ELN: variants seen among roughly 807,000 people sequenced by gnomAD.
ELN encodes elastin.
In ELN, 65 loss-of-function variants were observed where a neutral mutation model predicts 105.8. That is an observed-to-expected ratio of 0.61 (90% CI 0.50 to 0.75). The LOEUF is 0.75. Among genes scored for constraint, ELN ranks in the 30% least tolerant of loss-of-function variants. ELN has a pLI of 0.00. For missense variants in ELN, 882 were observed against 969.4 expected, an observed-to-expected ratio of 0.91 and a Z score of 1.20; for synonymous variants, 368 against 389.2, an observed-to-expected ratio of 0.95 and a Z score of 0.64.
At chr7:74,065,148 C>A (rs1554688144) in intron 29 of ELN, among the ~76,000 whole-genome samples, 1 of 151,992 alleles carries the variant, frequency 6.6e-6, no homozygotes, top group African/African-American at 2.4e-5. Context: ...ACTTGGGAGG[C>A]TGAGGCAGGA....
At chr7:74,036,666 C>G (rs1436425916) in intron 3 of ELN, 82 bp downstream of exon 3, 28 of 1,592,290 alleles carry the variant, frequency 1.8e-5, no homozygotes, top group Non-Finnish European at 1.9e-5. Flanking sequence ...ACCTGAGAAC[C>G]CTGGGAGACC....
intron 2 of ELN, among the ~76,000 whole-genome samples, chr7:74,036,327 G>A (rs1344363291): frequency 6.6e-6 from 1 of 151,812 alleles, no homozygotes; most frequent in Non-Finnish European, 1.5e-5. Context: ...AAGCATTTGA[G>A]TGTACAGAAG....
intron 12 of ELN, among the ~76,000 whole-genome samples, chr7:74,047,019 G>A (rs1188027206): frequency 2.6e-5 from 4 of 152,166 alleles, no homozygotes; most frequent in Admixed American, 6.5e-5. Flanking sequence ...AGAAGGCAGA[G>A]GTTGCAGTGA....
chr7:74,064,287 C>G (rs1321812362), intron 29 of ELN, among the ~76,000 whole-genome samples: 1 of 151,642 alleles, frequency 6.6e-6, no homozygotes, highest in Non-Finnish European at 1.5e-5. Context: ...TGGTGGCAGA[C>G]GCCTGTAGTC....
At chr7:74,043,690 G>T (rs541997824) in intron 8 of ELN, 189 bp from the exon 9 acceptor site, 5 of 714,062 alleles carry the variant, frequency 7.0e-6, no homozygotes, top group Non-Finnish European at 1.2e-5. Flanking sequence ...ACACACCGAA[G>T]AGTTTGCAGA....
intron 15 of ELN, among the ~76,000 whole-genome samples, chr7:74,049,314 T>C: frequency 7.3e-6 from 1 of 136,276 alleles, no homozygotes; most frequent in Non-Finnish European, 1.6e-5. Flanking sequence ...CTCCATCCAT[T>C]CTTCCATCCA....
rs782107954 is a variant in ELN, at chr7:74,028,184, C to T, written c.-4C>T. ...GAGAGCGGGCTGGGGCATTTCTCCC[C>T]GAGATGGCGGGTCTGACGGCGGCGG... On this transcript the variant is annotated 5_prime_UTR_variant, in exon 1 of 33. Coordinates refer to ENST00000252034, the MANE Select transcript of ELN (RefSeq NM_000501.4). 9.9e-6 allele frequency: 16 copies of T among 1,611,086 alleles called. No homozygotes were observed. Among genetic ancestry groups the T allele is most frequent in the Middle Eastern group, 3.3e-4 (2 of 6,072 alleles).
chr7:74,051,671 G>T, intron 15 of ELN, 79 bp from the exon 16 acceptor site: 1 of 1,537,764 alleles, frequency 6.5e-7, no homozygotes. Context: ...TGGTGAAAAC[G>T]CCGGCGTCTA....
chr7:74,064,423 AATATAT>A (rs60621659), intron 29 of ELN, among the ~76,000 whole-genome samples: 25 of 133,118 alleles, frequency 1.9e-4, no homozygotes, highest in African/African-American at 5.1e-4. Flanking sequence ...TCAAAAAAAA[AATATAT>A]ATATATATAT....
chr7:74,066,100 G>A (rs1554689075), intron 31 of ELN, 103 bp downstream of exon 31: 20 of 1,543,770 alleles, frequency 1.3e-5, no homozygotes, highest in African/African-American at 4.1e-5. Flanking sequence ...GTCCACACAA[G>A]GACAGGAGAC....
At chr7:74,028,961 G>A (rs1267793413) in intron 1 of ELN, among the ~76,000 whole-genome samples, 4 of 152,128 alleles carry the variant, frequency 2.6e-5, no homozygotes, top group African/African-American at 4.8e-5. Flanking sequence ...TCAGATGCCC[G>A]GCTGTGTCAC....
rs782747600 is a variant in ELN at position 74,061,109 on chromosome 7, G to T, written c.1756G>T (p.Ala586Ser). 5.6e-6 allele frequency: 9 copies of T among 1,614,020 alleles called. No individual in the cohort carries two copies. The highest frequency in any genetic ancestry group is 3.3e-5 in the Admixed American group (2 of 60,006). Residue 586 changes from alanine to serine, a missense_variant, in exon 26 of 33, where the codon GCC becomes TCC. Physicochemically the swap from Ala to Ser is moderately conservative, Grantham distance 99. Transcript: ENST00000252034. ...GVPGFGAVPGALAAAKAAKYG... is the reference protein window; with the variant it reads ...GVPGFGAVPGSLAAAKAAKYG... ...CTTTTCTTTCTCCCCAGTACCTGGA[G>T]CCCTGGCTGCCGCTAAAGCAGCCAA...
Position 74,048,531 on chromosome 7 carries a change from G to A in ELN, c.774G>A (p.Ala258=), listed in dbSNP as rs781921056. The A allele has an allele frequency of 1.1e-5, 18 of 1,613,782 alleles. No homozygotes were observed. Among genetic ancestry groups the A allele is most frequent in the South Asian group, 3.3e-5 (3 of 91,086 alleles). ...TTGGCCCCCAGGCAGCAGCAGCAGC[G>A]GCAGCTAAAGCAGCAGCAAAGTTCG... is the stretch of plus-strand genomic sequence containing the variant. The part of the protein sequence containing the change: ...TGVGPQAAAA[A]AAKAAAKFGA... Residue 258 remains alanine, a synonymous_variant, in exon 15 of 33, where the codon GCG becomes GCA. Transcript: ENST00000252034.
chr7:74,069,230 G>A lies in ELN; in HGVS notation c.*530G>A. ...CATCCCTCCTCTCCTGGGTCCACTT[G>A]GCCGTCTCCTCCCCACCGATCGCTG... On this transcript the variant is annotated 3_prime_UTR_variant, in exon 33 of 33. Transcript: ENST00000252034. 1 of 246,254 alleles carries A rather than the reference G, an allele frequency of 4.1e-6. No individual in the cohort carries two copies. Among genetic ancestry groups the A allele is most frequent in the East Asian group, 5.8e-5 (1 of 17,154 alleles). 15.3% of individuals were successfully genotyped at this position (246,254 alleles called of 1,614,324 possible).
intron 6 of ELN, 37 bp downstream of exon 6, chr7:74,042,743 T>C: frequency 6.2e-7 from 1 of 1,606,822 alleles, no homozygotes; most frequent in Non-Finnish European, 8.5e-7. Context: ...ACAAGCCCTC[T>C]GGCTTCCGTG....
At position 74,069,083 on chromosome 7, in the gene ELN, T is replaced by G. The variant is rs184490734; in HGVS notation, c.*383T>G. The G allele has an allele frequency of 3.5e-3, 1,399 of 401,290 alleles. 16 individuals are homozygous for G. The highest frequency in any genetic ancestry group is 0.025 in the African/African-American group (1,254 of 50,304). 24.9% of individuals were successfully genotyped at this position (401,290 alleles called of 1,614,324 possible). Reference sequence around the variant, plus strand: ...CGGGGAACCCCCTACCTGGGGCTCCTCTAAAGATGGTGCAGACACTTCCTG... The same window carrying G: ...CGGGGAACCCCCTACCTGGGGCTCCGCTAAAGATGGTGCAGACACTTCCTG... On this transcript the variant is annotated 3_prime_UTR_variant, in exon 33 of 33. Coordinates refer to ENST00000252034, the MANE Select transcript of ELN (RefSeq NM_000501.4).
chr7:74,053,328 G>C lies in ELN; in HGVS notation c.1096+19G>C. 1.2e-6 allele frequency: 1 copy of C among 825,170 alleles called. No individual in the cohort carries two copies. Among genetic ancestry groups the C allele is most frequent in the Non-Finnish European group, 1.8e-6 (1 of 561,528 alleles). 51.1% of individuals were successfully genotyped at this position (825,170 alleles called of 1,614,324 possible). On this transcript the variant is annotated intron_variant, in intron 18 of 32. Coordinates refer to ENST00000252034, the MANE Select transcript of ELN (RefSeq NM_000501.4). ...GTTCCAGGTGAGCTGGGCTGTGTGT[G>C]TGTGTGTGTGTGTGTGTGTGTGTGT...
intron 5 of ELN, 115 bp from the exon 6 acceptor site, chr7:74,042,499 G>T: frequency 1.2e-6 from 1 of 830,454 alleles, no homozygotes; most frequent in South Asian, 1.5e-5. Context: ...GTCTGGCAGA[G>T]AGCGGAAGAG....
chr7:74,043,181 T>C lies in ELN; in HGVS notation c.427+13T>C, dbSNP rs1791647514. ...GGGAAAGTGCCGGGTCAGTGCGGAA[T>C]CCCTGGGGCTGGAGGACAGAGGGCA... On this transcript the variant is annotated intron_variant, in intron 8 of 32. Transcript: ENST00000252034. 6.3e-7 allele frequency: 1 copy of C among 1,579,898 alleles called. No homozygotes were observed. Among genetic ancestry groups the C allele is most frequent in the Non-Finnish European group, 8.6e-7 (1 of 1,162,654 alleles).
Sources: gnomAD v4.1 joint callset for allele counts (sites outside exome capture counted in the v4.1 genomes callset) on GRCh38, gnomAD v4.1.1 for gene constraint, MANE v1.5 for transcripts, NCBI Gene and HGNC (gene_info 2026-07-23, HGNC 2026-07-21) for gene names.